Variants in AR observed in about 807,000 individuals in gnomAD.
AR encodes dihydrotestosterone receptor.
AR carries 8 observed loss-of-function variants against 53.9 expected under a neutral mutation model. That is an observed-to-expected ratio of 0.15 (90% confidence interval 0.09 to 0.27). AR has a LOEUF of 0.27. Ranked by LOEUF, AR falls within the 10% of genes least tolerant of loss-of-function variation. The pLI is 1.00. For synonymous variants in AR, 359 were observed against 316.4 expected, an observed-to-expected ratio of 1.13 and a Z score of -1.43; for missense variants, 639 against 742.5, an observed-to-expected ratio of 0.86 and a Z score of 1.62.
intron 2 of AR, among the ~76,000 whole-genome samples, chrX:67,650,134 C>T (rs1926264717): frequency 9.0e-6 from 1 of 111,704 alleles, no homozygotes; most frequent in Non-Finnish European, 1.9e-5. Context: ...GCCATACTGC[C>T]CAAAGTAAAT....
At chrX:67,576,805 A>T (rs1231137751) in intron 1 of AR, among the ~76,000 whole-genome samples, 1 of 110,450 alleles carries the variant, frequency 9.1e-6, no homozygotes, top group Non-Finnish European at 1.9e-5. Flanking sequence ...TTATGTGGTT[A>T]TCTCCTCCTT....
intron 3 of AR, among the ~76,000 whole-genome samples, chrX:67,692,142 T>G (rs970744581): frequency 1.8e-5 from 2 of 112,127 alleles, no homozygotes; most frequent in Non-Finnish European, 3.8e-5. Context: ...AATCACAGAT[T>G]TGTAGAAACC....
intron 3 of AR, among the ~76,000 whole-genome samples, chrX:67,704,402 A>G (rs1427846247): frequency 1.3e-4 from 15 of 112,245 alleles, no homozygotes; most frequent in African/African-American, 4.5e-4. Flanking sequence ...GCCAGTGATG[A>G]TGAGCATTTT....
Position 67,546,680 on chromosome X carries a change from G to A in AR, c.1534G>A (p.Val512Met), listed in dbSNP as rs1254536351. 1 of 1,206,300 alleles carries A rather than the reference G, an allele frequency of 8.3e-7. No homozygotes were observed. The highest frequency in any genetic ancestry group is 1.8e-5 in the African/African-American group (1 of 56,994). The change falls in exon 1 of 8, where the codon GTG becomes ATG. Residue 512 changes from valine (V) to methionine (M), a missense_variant. Val to Met is a conservative substitution (Grantham distance 21, BLOSUM62 1). Coordinates refer to ENST00000374690, the MANE Select transcript of AR (RefSeq NM_000044.6). ...VWYPGGMVSR[V>M]PYPSPTCVKS... ...GTACCCTGGCGGCATGGTGAGCAGA[G>A]TGCCCTATCCCAGTCCCACTTGTGT... is the stretch of plus-strand genomic sequence containing the variant.
At position 67,545,698 on chromosome X, in the gene AR, C is replaced by A. The variant is rs759994495; in HGVS notation, c.552C>A (p.Ile184=). 7.5e-6 allele frequency: 9 copies of A among 1,207,028 alleles called. No homozygotes were observed. In the South Asian group the frequency reaches 1.4e-4, roughly 19 times the overall value. The change falls in exon 1 of 8, where the codon ATC becomes ATA. Residue 184 remains isoleucine (I), a synonymous_variant. Coordinates refer to ENST00000374690, the MANE Select transcript of AR (RefSeq NM_000044.6). ...LSSCSADLKD[I]LSEASTMQLL... ...GCTGCTCCGCTGACCTTAAAGACATCCTGAGCGAGGCCAGCACCATGCAAC... is the reference window on the plus strand; with the variant it reads ...GCTGCTCCGCTGACCTTAAAGACATACTGAGCGAGGCCAGCACCATGCAAC...
At chrX:67,546,905 T>G in intron 1 of AR, 143 bp downstream of exon 1, 1 of 692,984 alleles carries the variant, frequency 1.4e-6, no homozygotes, top group Non-Finnish European at 2.2e-6. Context: ...AGCTCTCCCG[T>G]GGACTCCCGG....
Position 67,617,133 on chromosome X carries a change from C to T in AR, c.1617-26123C>T, listed in dbSNP as rs192047931. ...TTCACTTGCTTGCTAAGTCACTTAG[C>T]TTTTCTGCCTTTTTGTTTGCTCTGT... On this transcript the variant is annotated intron_variant, in intron 1 of 7. Coordinates refer to ENST00000374690, the MANE Select transcript of AR (RefSeq NM_000044.6). Among the ~76,000 whole-genome samples, 325 of 111,701 alleles carry T rather than the reference C, an allele frequency of 2.9e-3. 1 individual carries two copies. The highest frequency in any genetic ancestry group is 9.9e-3 in the African/African-American group (306 of 30,783).
At chrX:67,569,069 G>GT in intron 1 of AR, 1 of 1,177,400 alleles carries the variant, frequency 8.5e-7, no homozygotes, top group Admixed American at 2.2e-5. Context: ...TTCTAGGGTA[G>GT]TGAGTGTTGT....
chrX:67,690,546 TG>T (rs1486126454), intron 3 of AR, among the ~76,000 whole-genome samples: 1 of 112,140 alleles, frequency 8.9e-6, no homozygotes, highest in Non-Finnish European at 1.9e-5. Context: ...TATTCATCCA[TG>T]TATCTATCCA....
At chrX:67,670,602 ATATATGTTTATATAC>A (rs1224614504) in intron 2 of AR, among the ~76,000 whole-genome samples, 2 of 108,372 alleles carry the variant, frequency 1.8e-5, no homozygotes. Flanking sequence ...TATGTAGATA[ATATATGTTTATATAC>A]TTTAAGTTCT....
intron 1 of AR, among the ~76,000 whole-genome samples, chrX:67,572,919 A>G (rs1475120570): frequency 8.9e-6 from 1 of 111,742 alleles, no homozygotes; most frequent in Admixed American, 9.5e-5. Context: ...GTACATGTAA[A>G]GTGTTCTGAC....
chrX:67,685,448 AT>A (rs999152268), intron 2 of AR, among the ~76,000 whole-genome samples: 1 of 111,224 alleles, frequency 9.0e-6, no homozygotes, highest in Non-Finnish European at 1.9e-5. Flanking sequence ...TTTATCTCTG[AT>A]TTTTATAACC....
chrX:67,599,667 A>T (rs952498325), intron 1 of AR, among the ~76,000 whole-genome samples: 3 of 112,278 alleles, frequency 2.7e-5, no homozygotes, highest in Non-Finnish European at 5.6e-5. Context: ...TATTCAACAA[A>T]TGAATACAAT....
chrX:67,660,164 G>T (rs1270920987), intron 2 of AR, among the ~76,000 whole-genome samples: 5 of 111,898 alleles, frequency 4.5e-5, no homozygotes, highest in South Asian at 3.7e-4. Context: ...TCTGTAGGTT[G>T]CCTGTTCACT....
intron 1 of AR, among the ~76,000 whole-genome samples, chrX:67,633,759 C>T (rs1422925221): frequency 9.0e-6 from 1 of 111,687 alleles, no homozygotes; most frequent in Non-Finnish European, 1.9e-5. Context: ...CATACATGCT[C>T]CAACATGGAT....
intron 1 of AR, among the ~76,000 whole-genome samples, chrX:67,581,796 A>T (rs1922309437): frequency 9.0e-6 from 1 of 111,596 alleles, no homozygotes; most frequent in African/African-American, 3.2e-5. Flanking sequence ...CAGCATCCAT[A>T]AGGTTTTCAT....
intron 3 of AR, among the ~76,000 whole-genome samples, chrX:67,693,146 A>C (rs754698339): frequency 8.9e-6 from 1 of 112,945 alleles, no homozygotes; most frequent in Admixed American, 9.3e-5. Context: ...CATAAAAATT[A>C]ATGATACCGC....
At chrX:67,597,023 A>G (rs1367648718) in intron 1 of AR, among the ~76,000 whole-genome samples, 5 of 112,246 alleles carry the variant, frequency 4.5e-5, no homozygotes, top group Non-Finnish European at 7.5e-5. Flanking sequence ...AAATTACATA[A>G]CTAGGAAGTT....
intron 1 of AR, among the ~76,000 whole-genome samples, chrX:67,631,871 G>A (rs1033266633): frequency 1.8e-5 from 2 of 112,470 alleles, no homozygotes; most frequent in Non-Finnish European, 3.8e-5. Flanking sequence ...AGGACCCTCA[G>A]CTGCAGGTCT....
Sources: allele counts gnomAD v4.1 joint callset (sites outside exome capture counted in the v4.1 genomes callset), GRCh38; gene constraint gnomAD v4.1.1; transcripts MANE v1.5; gene names NCBI Gene and HGNC (gene_info 2026-07-23, HGNC 2026-07-21).